The following EYA1 variants were observed in gnomAD, a reference collection of about 807,000 sequenced individuals.
EYA1 encodes protein phosphatase EYA1.
Under a neutral mutation model 82.0 loss-of-function variants are expected in EYA1, and 16 were observed. The observed-to-expected ratio is 0.20, with a 90% CI of 0.13 to 0.30. The LOEUF (loss-of-function observed/expected upper bound fraction) is 0.30, where lower values mean the gene tolerates loss of function less well. Ranked by LOEUF, EYA1 falls within the 10% of genes least tolerant of loss-of-function variation. The probability of loss-of-function intolerance (pLI) is 1.00; values close to 1 mark genes in which losing one functional copy is unlikely to be tolerated. For missense variants in EYA1, 633 were observed against 730.7 expected (o/e 0.87, Z 1.54); for synonymous variants, 261 against 264.4 (o/e 0.99, Z 0.12).
intron 2 of EYA1, among the ~76,000 whole-genome samples, chr8:71,355,407 G>A (rs1826762928): frequency 6.6e-6 from 1 of 152,104 alleles, no homozygotes; most frequent in Non-Finnish European, 1.5e-5. Context: ...AATTTAATGG[G>A]TCTCCAAACC....
chr8:71,412,621 A>G (rs1025392790), intron 2 of EYA1, among the ~76,000 whole-genome samples: 1 of 152,124 alleles, frequency 6.6e-6, no homozygotes, highest in Admixed American at 6.5e-5. Context: ...ATGAGTTGAG[A>G]TTATTATGAA....
At chr8:71,211,294 T>C in intron 16 of EYA1, 38 bp from the exon 17 acceptor site, 1 of 1,389,676 alleles carries the variant, frequency 7.2e-7, no homozygotes, top group South Asian at 1.2e-5. Context: ...ATGTGAAGTT[T>C]GGGTAACCTA....
At chr8:71,391,756 A>G (rs576883686) in intron 2 of EYA1, among the ~76,000 whole-genome samples, 5 of 152,194 alleles carry the variant, frequency 3.3e-5, no homozygotes, top group Admixed American at 6.5e-5. Flanking sequence ...TTCAGAGGTT[A>G]GTCTGGGACT....
chr8:71,393,032 C>A (rs1404530510), intron 2 of EYA1, among the ~76,000 whole-genome samples: 1 of 152,022 alleles, frequency 6.6e-6, no homozygotes, highest in Non-Finnish European at 1.5e-5. Context: ...TCATAGAATA[C>A]CTTTCTGCAA....
chr8:71,293,925 C>A (rs1326700304), intron 9 of EYA1, among the ~76,000 whole-genome samples: 4 of 150,674 alleles, frequency 2.7e-5, no homozygotes, highest in Non-Finnish European at 5.9e-5. Context: ...TTGTACAAGT[C>A]CTTACTAATG....
chr8:71,322,463 G>C, intron 4 of EYA1, 195 bp from the exon 5 acceptor site: 1 of 598,948 alleles, frequency 1.7e-6, no homozygotes, highest in East Asian at 2.9e-5. Flanking sequence ...GGAATGAATA[G>C]AAACTGATTA....
intron 7 of EYA1, among the ~76,000 whole-genome samples, chr8:71,314,206 T>C (rs1366237392): frequency 6.6e-6 from 1 of 152,114 alleles, no homozygotes. Context: ...AATTGCTATA[T>C]TAAAAAACAT....
At chr8:71,375,261 AAT>A (rs144567107) in intron 2 of EYA1, among the ~76,000 whole-genome samples, 2 of 151,090 alleles carry the variant, frequency 1.3e-5, no homozygotes, top group African/African-American at 4.9e-5. Context: ...GTACATCTTA[AAT>A]ATATATATAT....
chr8:71,445,046 A>AT (rs1237188062), intron 2 of EYA1, among the ~76,000 whole-genome samples: 7 of 152,154 alleles, frequency 4.6e-5, no homozygotes, highest in Admixed American at 4.6e-4. Context: ...AATTTGCCCA[A>AT]TTTTTTTACA....
At chr8:71,403,712 A>C (rs1447380136) in intron 2 of EYA1, 1 of 152,226 alleles carries the variant, frequency 6.6e-6, no homozygotes, top group East Asian at 1.9e-4. Context: ...GAACCCGAGG[A>C]GATGTCTACT....
chr8:71,233,610 A>C (rs1056137074), intron 12 of EYA1, among the ~76,000 whole-genome samples: 1 of 151,444 alleles, frequency 6.6e-6, no homozygotes, highest in Non-Finnish European at 1.5e-5. Flanking sequence ...TTTTCTTTTG[A>C]TATACATACC....
At chr8:71,297,516 A>G (rs1372171003) in intron 9 of EYA1, among the ~76,000 whole-genome samples, 1 of 152,138 alleles carries the variant, frequency 6.6e-6, no homozygotes, top group Non-Finnish European at 1.5e-5. Flanking sequence ...TCTAGATCCT[A>G]AAAGAGGTTT....
chr8:71,424,944 T>C (rs1442206651), intron 2 of EYA1, among the ~76,000 whole-genome samples: 4 of 151,992 alleles, frequency 2.6e-5, no homozygotes, highest in African/African-American at 9.7e-5. Context: ...TCCTGACTTA[T>C]GTTCCACATT....
intron 2 of EYA1, among the ~76,000 whole-genome samples, chr8:71,428,921 C>A (rs1354566310): frequency 6.6e-6 from 1 of 151,920 alleles, no homozygotes; most frequent in Non-Finnish European, 1.5e-5. Context: ...TGTTTATTTT[C>A]AACAATTATT....
At chr8:71,227,781 T>C (rs990905289) in intron 12 of EYA1, among the ~76,000 whole-genome samples, 1 of 152,242 alleles carries the variant, frequency 6.6e-6, no homozygotes, top group Non-Finnish European at 1.5e-5. Context: ...AACTACAAAC[T>C]ATATGTCAAT....
At chr8:71,292,438 TAC>T in intron 9 of EYA1, among the ~76,000 whole-genome samples, 1 of 152,234 alleles carries the variant, frequency 6.6e-6, no homozygotes, top group South Asian at 2.1e-4. Context: ...GACACTGTCT[TAC>T]AGTCTTTGAT....
In EYA1 at chr8:71,395,787, A is replaced by C. The variant is rs139831018; in HGVS notation, c.34-39276T>G. On this transcript the variant is annotated intron_variant, in intron 2 of 18. Transcript: ENST00000643681. ...TGTATCTCTGCCAGGGTTTGGTATC[A>C]GGATGATGTTGGCTTCATAAAAAGA... Among the ~76,000 whole-genome samples, 1,218 of 152,288 alleles carry C rather than the reference A, an allele frequency of 8.0e-3. 21 individuals carry two copies. Among genetic ancestry groups the C allele is most frequent in the African/African-American group, 0.028 (1,150 of 41,546 alleles).
intron 12 of EYA1, among the ~76,000 whole-genome samples, chr8:71,240,191 C>A (rs534672365): frequency 4.0e-5 from 6 of 151,870 alleles, no homozygotes; most frequent in Non-Finnish European, 7.4e-5. Context: ...ACCTAAAGAC[C>A]ATCCACAAGC....
At chr8:71,389,714 G>A (rs1292154748) in intron 2 of EYA1, among the ~76,000 whole-genome samples, 1 of 152,110 alleles carries the variant, frequency 6.6e-6, no homozygotes, top group East Asian at 1.9e-4. Flanking sequence ...AAAATCTTTT[G>A]AAGCTGAGTT....
Sources: gnomAD v4.1 joint callset for allele counts (sites outside exome capture counted in the v4.1 genomes callset) on GRCh38, gnomAD v4.1.1 for gene constraint, MANE v1.5 for transcripts, NCBI Gene and HGNC (gene_info 2026-07-23, HGNC 2026-07-21) for gene names.